Variants in NLGN1 observed in about 807,000 individuals in gnomAD.
The protein encoded by NLGN1 is neuroligin 1.
In NLGN1, 12 loss-of-function variants were observed where a neutral mutation model predicts 65.5. The ratio of observed to expected loss-of-function variants is 0.18; its 90% CI spans 0.12 to 0.30. The LOEUF is 0.30. Among genes scored for constraint, NLGN1 ranks in the 10% least tolerant of loss-of-function variants. NLGN1 has a pLI of 1.00. For missense variants in NLGN1, 750 were observed against 1,007.1 expected (o/e 0.74, Z 3.46); for synonymous variants, 350 against 359.5 (o/e 0.97, Z 0.30).
At chr3:173,455,305 A>G (rs929512945) in intron 2 of NLGN1, among the ~76,000 whole-genome samples, 27 of 152,092 alleles carry the variant, frequency 1.8e-4, no homozygotes, top group South Asian at 1.5e-3. Flanking sequence ...AGTCTTTTAA[A>G]CCGTGAAATC....
chr3:174,111,926 T>C (rs1715309220), intron 4 of NLGN1, among the ~76,000 whole-genome samples: 2 of 151,938 alleles, frequency 1.3e-5, no homozygotes, highest in Admixed American at 1.3e-4. Flanking sequence ...ATGCTAAACA[T>C]ATCGACTCTT....
chr3:174,074,233 A>G (rs893461381), intron 4 of NLGN1, among the ~76,000 whole-genome samples: 1 of 152,166 alleles, frequency 6.6e-6, no homozygotes, highest in Non-Finnish European at 1.5e-5. Context: ...CTATATAAAT[A>G]CCTAGGAAAA....
chr3:174,002,806 A>G (rs1211373531), intron 4 of NLGN1, among the ~76,000 whole-genome samples: 10 of 152,190 alleles, frequency 6.6e-5, no homozygotes, highest in Non-Finnish European at 1.5e-5. Flanking sequence ...TGCTGCTCCA[A>G]TTTCTCTTAT....
chr3:174,039,021 A>T (rs958332033), intron 4 of NLGN1, among the ~76,000 whole-genome samples: 1 of 152,194 alleles, frequency 6.6e-6, no homozygotes, highest in Non-Finnish European at 1.5e-5. Context: ...TACCATAGAC[A>T]TGAGCATCAA....
chr3:173,888,165 A>C (rs1209893950), intron 4 of NLGN1, among the ~76,000 whole-genome samples: 1 of 151,978 alleles, frequency 6.6e-6, no homozygotes, highest in African/African-American at 2.4e-5. Flanking sequence ...TGGAGCTACT[A>C]GTCCAAATAT....
At chr3:173,811,681 G>T (rs1717981934) in intron 4 of NLGN1, among the ~76,000 whole-genome samples, 1 of 151,520 alleles carries the variant, frequency 6.6e-6, no homozygotes, top group Non-Finnish European at 1.5e-5. Context: ...TTGTAACTAG[G>T]GTAAACATGT....
chr3:173,761,540 C>T (rs187648042), intron 3 of NLGN1, among the ~76,000 whole-genome samples: 1 of 152,108 alleles, frequency 6.6e-6, no homozygotes, highest in East Asian at 1.9e-4. Flanking sequence ...TATAGAGCAT[C>T]ACTACCTTTT....
Position 174,036,224 on chromosome 3 carries a change from C to A in NLGN1, c.646+228392C>A, listed in dbSNP as rs534440354. ...ATCAATGTTACAGTCCTCACACTTC[C>A]TGGCTTTTGAAGTTTATTTTATCCA... On this transcript the variant is annotated intron_variant, in intron 4 of 6. Coordinates refer to ENST00000457714, the Ensembl canonical transcript of NLGN1. Among the ~76,000 whole-genome samples the A allele has an allele frequency of 2.6e-5, 4 of 152,222 alleles. No homozygotes were observed. In the South Asian group the frequency reaches 8.3e-4, roughly 32 times the overall value.
At chr3:173,671,282 G>T (rs1039548259) in intron 3 of NLGN1, among the ~76,000 whole-genome samples, 1 of 152,106 alleles carries the variant, frequency 6.6e-6, no homozygotes, top group African/African-American at 2.4e-5. Context: ...CATGGATTGC[G>T]TGAGCCCAGG....
In NLGN1 at chr3:174,006,295, GTATA is replaced by G. The variant is rs1724381173; in HGVS notation, c.646+198466_646+198469del. On this transcript the variant is annotated intron_variant, in intron 4 of 6. Transcript: ENST00000457714. Reference sequence around the variant, plus strand: ...AAATCTCACTCTTTTGTGGCCATCAGTATATAGTCATTGATCACAAGAATAAGTA... The same window carrying G: ...AAATCTCACTCTTTTGTGGCCATCAGTAGTCATTGATCACAAGAATAAGTA... Among the ~76,000 whole-genome samples, 3 of 152,084 alleles carry G rather than the reference GTATA, an allele frequency of 2.0e-5. No individual in the cohort carries two copies. The South Asian group carries it at 6.2e-4, about 32-fold the overall frequency.
At chr3:173,464,528 T>TG (rs143967293) in intron 2 of NLGN1, among the ~76,000 whole-genome samples, 25,066 of 150,998 alleles carry the variant, frequency 0.17, 2,152 homozygotes, top group Middle Eastern at 0.26. Flanking sequence ...CTCTGCCTCC[T>TG]GGGTTCAAGC....
intron 4 of NLGN1, among the ~76,000 whole-genome samples, chr3:174,212,346 C>G (rs985415174): frequency 1.2e-4 from 18 of 152,332 alleles, no homozygotes; most frequent in African/African-American, 4.3e-4. Context: ...TTCCCGCCCG[C>G]GCCTCTCCCT....
At chr3:173,520,859 A>G (rs1049538430) in intron 2 of NLGN1, among the ~76,000 whole-genome samples, 4 of 152,232 alleles carry the variant, frequency 2.6e-5, no homozygotes, top group African/African-American at 9.7e-5. Flanking sequence ...ATTGAATACA[A>G]TAGATGAAAA....
At chr3:173,579,046 A>C (rs1348365038) in intron 2 of NLGN1, among the ~76,000 whole-genome samples, 1 of 152,248 alleles carries the variant, frequency 6.6e-6, no homozygotes, top group Non-Finnish European at 1.5e-5. Context: ...TTAACAAGTC[A>C]GAATTATTCA....
chr3:173,807,038 T>C (rs1315667539), intron 3 of NLGN1, among the ~76,000 whole-genome samples: 1 of 152,150 alleles, frequency 6.6e-6, no homozygotes, highest in Non-Finnish European at 1.5e-5. Context: ...CTAAAAAATA[T>C]CATTCTAATG....
the NLGN1 span, among the ~76,000 whole-genome samples, chr3:174,292,150 C>A: frequency 6.6e-6 from 1 of 151,126 alleles, no homozygotes; most frequent in Non-Finnish European, 1.5e-5. Flanking sequence ...AAAAACCCAC[C>A]TTATTGTTTC....
At chr3:173,423,077 A>G (rs1040668388) in intron 1 of NLGN1, among the ~76,000 whole-genome samples, 3 of 152,152 alleles carry the variant, frequency 2.0e-5, no homozygotes, top group Non-Finnish European at 4.4e-5. Flanking sequence ...GAGCTTCTCC[A>G]CAAGGCAGCA....
intron 4 of NLGN1, among the ~76,000 whole-genome samples, chr3:173,835,794 C>T (rs957571747): frequency 1.3e-5 from 2 of 151,656 alleles, no homozygotes; most frequent in East Asian, 1.9e-4. Context: ...AAAGAAGAGG[C>T]GAACATCAGT....
chr3:173,939,228 A>G (rs1330290213), intron 4 of NLGN1, among the ~76,000 whole-genome samples: 1 of 152,172 alleles, frequency 6.6e-6, no homozygotes, highest in Non-Finnish European at 1.5e-5. Flanking sequence ...TGTTTATCTA[A>G]CGGAGTTCTC....
Sources: allele counts gnomAD v4.1 joint callset (sites outside exome capture counted in the v4.1 genomes callset), GRCh38; gene constraint gnomAD v4.1.1; transcripts MANE v1.5; gene names NCBI Gene and HGNC (gene_info 2026-07-23, HGNC 2026-07-21).